Variants in IGF2BP2 observed in about 807,000 individuals in gnomAD.
IGF2BP2 encodes insulin-like growth factor 2 mRNA-binding protein 2.
In IGF2BP2, 17 loss-of-function variants were observed where a neutral mutation model predicts 75.8. The ratio of observed to expected loss-of-function variants is 0.22; its 90% CI spans 0.15 to 0.34. The LOEUF is 0.34. Ranked by LOEUF, IGF2BP2 falls within the 10% of genes least tolerant of loss-of-function variation. IGF2BP2 has a pLI of 1.00. For synonymous variants in IGF2BP2, 288 were observed against 295.6 expected (o/e 0.97, Z 0.26); for missense variants, 516 against 772.4 (o/e 0.67, Z 3.93).
At chr3:185,823,863 G>GC (rs1210155935) in intron 1 of IGF2BP2, among the ~76,000 whole-genome samples, 1 of 151,684 alleles carries the variant, frequency 6.6e-6, no homozygotes, top group African/African-American at 2.4e-5. Flanking sequence ...GTGCGCGCGC[G>GC]CGAGTGTGTG....
intron 2 of IGF2BP2, among the ~76,000 whole-genome samples, chr3:185,706,285 C>T (rs542856900): frequency 6.6e-6 from 1 of 152,224 alleles, no homozygotes; most frequent in East Asian, 1.9e-4. Context: ...GCCTGTAGTC[C>T]TAGCTACTTG....
intron 2 of IGF2BP2, among the ~76,000 whole-genome samples, chr3:185,783,007 C>A (rs1408245002): frequency 6.6e-6 from 1 of 152,210 alleles, no homozygotes; most frequent in African/African-American, 2.4e-5. Flanking sequence ...GTTACTAACA[C>A]AATTAATAGT....
At chr3:185,748,276 G>A (rs894905185) in intron 2 of IGF2BP2, among the ~76,000 whole-genome samples, 1 of 152,158 alleles carries the variant, frequency 6.6e-6, no homozygotes, top group Non-Finnish European at 1.5e-5. Flanking sequence ...AGGAACTGGG[G>A]GGTTACATAA....
At chr3:185,820,753 T>C (rs1190797846) in intron 2 of IGF2BP2, among the ~76,000 whole-genome samples, 1 of 152,210 alleles carries the variant, frequency 6.6e-6, no homozygotes, top group Admixed American at 6.5e-5. Flanking sequence ...ATAATCAAAC[T>C]AATTCTTGAG....
At chr3:185,747,222 G>A (rs1290456808) in intron 2 of IGF2BP2, among the ~76,000 whole-genome samples, 1 of 152,190 alleles carries the variant, frequency 6.6e-6, no homozygotes, top group Non-Finnish European at 1.5e-5. Flanking sequence ...CTGCTATGAA[G>A]AAATTTAGAT....
intron 7 of IGF2BP2, among the ~76,000 whole-genome samples, chr3:185,681,909 T>A (rs1439368491): frequency 6.6e-6 from 1 of 152,112 alleles, no homozygotes; most frequent in Non-Finnish European, 1.5e-5. Flanking sequence ...ATACAAAGAT[T>A]AACTCAAAAT....
At chr3:185,664,117 G>A (rs1716910236) in intron 10 of IGF2BP2, among the ~76,000 whole-genome samples, 1 of 152,174 alleles carries the variant, frequency 6.6e-6, no homozygotes, top group Non-Finnish European at 1.5e-5. Context: ...GCTTGTCAAA[G>A]TGTCTCTTTA....
intron 7 of IGF2BP2, among the ~76,000 whole-genome samples, chr3:185,685,687 C>T (rs1721021803): frequency 6.6e-6 from 1 of 152,192 alleles, no homozygotes; most frequent in Non-Finnish European, 1.5e-5. Context: ...GGTGCTCTGT[C>T]ACCCAAGCTG....
In IGF2BP2 at chr3:185,645,435, G is replaced by A; in HGVS notation, c.*96C>T. 1.2e-6 allele frequency: 1 copy of A among 864,650 alleles called. No individual in the cohort carries two copies. Among genetic ancestry groups the A allele is most frequent in the Non-Finnish European group, 1.9e-6 (1 of 520,772 alleles). 53.6% of individuals were successfully genotyped at this position (864,650 alleles called of 1,614,324 possible). A position where few individuals can be genotyped will look rare whatever the true frequency, so the allele number is the denominator to read the frequency against. ...CTTCTCATTCCTCAGATGGTCTTTGGTTTGCTCCCGATCTGGCTGGCTGCG... is the reference window on the plus strand; with the variant it reads ...CTTCTCATTCCTCAGATGGTCTTTGATTTGCTCCCGATCTGGCTGGCTGCG... On this transcript the variant is annotated 3_prime_UTR_variant, in exon 16 of 16. Transcript: ENST00000382199. This position sits in a 1 kb window ranked among gnomAD's most constrained non-coding sequence, Gnocchi z 4.9.
chr3:185,813,529 T>C (rs964987307), intron 2 of IGF2BP2, among the ~76,000 whole-genome samples: 1 of 152,250 alleles, frequency 6.6e-6, no homozygotes, highest in African/African-American at 2.4e-5. Context: ...AGATTATTTA[T>C]GTATCCACAA....
chr3:185,648,026 G>A (rs796687412), intron 14 of IGF2BP2, among the ~76,000 whole-genome samples: 15 of 152,386 alleles, frequency 9.8e-5, no homozygotes, highest in African/African-American at 2.9e-4. Context: ...CTAAAGCGCA[G>A]TGTGTGCCCT....
chr3:185,665,014 A>G (rs749068149), intron 10 of IGF2BP2, among the ~76,000 whole-genome samples: 68 of 152,130 alleles, frequency 4.5e-4, no homozygotes, highest in Non-Finnish European at 3.7e-4. Flanking sequence ...CGGGGGGGAA[A>G]AACAGACAGG....
At chr3:185,704,813 C>G (rs1482521721) in intron 2 of IGF2BP2, among the ~76,000 whole-genome samples, 3 of 152,078 alleles carry the variant, frequency 2.0e-5, no homozygotes, top group Admixed American at 1.3e-4. Flanking sequence ...ATCACAGAGA[C>G]TGATTAAGAG....
chr3:185,742,702 T>C (rs1729731985), intron 2 of IGF2BP2, among the ~76,000 whole-genome samples: 1 of 152,104 alleles, frequency 6.6e-6, no homozygotes, highest in Non-Finnish European at 1.5e-5. Context: ...TGAGTTAGTT[T>C]AATGCAGCAT....
rs945158290 is a variant in IGF2BP2, at chr3:185,696,805, C to T, written c.289-142G>A. 11 of 713,384 alleles carry T rather than the reference C, an allele frequency of 1.5e-5. No homozygotes were observed. In the African/African-American group the frequency reaches 2.0e-4, roughly 13 times the overall value. 44.2% of individuals were successfully genotyped at this position (713,384 alleles called of 1,614,324 possible). ...ATCTAATTAAATTGATATCTCAGGT[C>T]TTCCATAAAAACAGTTAGAACTGAA... On this transcript the variant is annotated intron_variant, in intron 3 of 15. Transcript: ENST00000382199.
chr3:185,786,562 A>AC (rs1735919675), intron 2 of IGF2BP2, among the ~76,000 whole-genome samples: 1 of 139,656 alleles, frequency 7.2e-6, no homozygotes, highest in Admixed American at 6.9e-5. Context: ...TAAGAGAAAA[A>AC]CCCCCTTTGA....
chr3:185,665,347 G>A (rs866261666), intron 10 of IGF2BP2, among the ~76,000 whole-genome samples: 93 of 124,942 alleles, frequency 7.4e-4, no homozygotes, highest in Middle Eastern at 5.3e-3. Flanking sequence ...GGAGGAGAAG[G>A]AGGAGGAGGA....
In IGF2BP2 at chr3:185,694,134, G is replaced by A. The variant is rs142053754; in HGVS notation, c.341-1372C>T. ...ATTACATGTAATAAACCCGAGCCCA[G>A]CTCTGGCCTTGGCCTGGAGTGTTCA... On this transcript the variant is annotated intron_variant, in intron 4 of 15. Transcript: ENST00000382199. Among the ~76,000 whole-genome samples, 23 of 152,308 alleles carry A rather than the reference G, an allele frequency of 1.5e-4. No individual in the cohort carries two copies. The East Asian group carries it at 4.4e-3, about 29-fold the overall frequency.
At chr3:185,649,201 G>A (rs958376366) in intron 14 of IGF2BP2, among the ~76,000 whole-genome samples, 40 of 152,132 alleles carry the variant, frequency 2.6e-4, no homozygotes, top group African/African-American at 8.2e-4. Context: ...GCCCTAAGTT[G>A]TGGAGTGAAG....
Sources: allele counts gnomAD v4.1 joint callset (sites outside exome capture counted in the v4.1 genomes callset), GRCh38; gene constraint gnomAD v4.1.1; non-coding constraint Gnocchi (gnomAD v3.1); transcripts MANE v1.5; gene names NCBI Gene and HGNC (gene_info 2026-07-23, HGNC 2026-07-21).